The following SLC35F3 variants were observed in gnomAD, a reference collection of about 807,000 sequenced individuals.
SLC35F3 encodes putative thiamine transporter SLC35F3.
SLC35F3 carries 25 observed loss-of-function variants against 49.9 expected under a neutral mutation model. The observed-to-expected ratio is 0.50, with a 90% confidence interval of 0.37 to 0.70. The LOEUF is 0.70. Among genes scored for constraint, SLC35F3 ranks in the 30% least tolerant of loss-of-function variants. The probability of loss-of-function intolerance (pLI) is 0.00; values close to 1 mark genes in which losing one functional copy is unlikely to be tolerated. For synonymous variants in SLC35F3, 275 were observed against 265.4 expected (o/e 1.04, Z -0.35); for missense variants, 525 against 639.8 (o/e 0.82, Z 1.94).
rs762082795 is a variant in SLC35F3 at position 234,323,294 on chromosome 1, G to C, written c.*51G>C. On this transcript the variant is annotated 3_prime_UTR_variant, in exon 8 of 8. Coordinates refer to ENST00000366618, the MANE Select transcript of SLC35F3 (RefSeq NM_173508.4). This position sits in a 1 kb window ranked among gnomAD's most constrained non-coding sequence, Gnocchi z 4.5. ...AATGACTGGGAGGTCTATTCCTGCC[G>C]GGAGGAACCTCAGTTGGGTAAGGTG... is the stretch of plus-strand genomic sequence containing the variant. 1 of 1,525,656 alleles carries C rather than the reference G, an allele frequency of 6.6e-7. No homozygotes were observed. The highest frequency in any genetic ancestry group is 2.4e-5 in the East Asian group (1 of 42,412). The allele number at this position is 1,525,656 out of a possible 1,614,324, so 94.5% of individuals were successfully genotyped here.
chr1:233,919,116 T>G lies in SLC35F3; in HGVS notation c.283+13358T>G, dbSNP rs1489728609. On this transcript the variant is annotated intron_variant, in intron 2 of 7. Coordinates refer to ENST00000366618, the MANE Select transcript of SLC35F3 (RefSeq NM_173508.4). ...TTTCAAAATAAAAAATGTCATTGCT[T>G]CAGCCAATGGCCTTACGTAATTCAG... Among the ~76,000 whole-genome samples, 5 of 152,208 alleles carry G rather than the reference T, an allele frequency of 3.3e-5. No homozygotes were observed. In the East Asian group the frequency reaches 9.6e-4, roughly 29 times the overall value.
intron 2 of SLC35F3, among the ~76,000 whole-genome samples, chr1:234,224,525 C>G (rs1038224944): frequency 6.6e-6 from 1 of 152,178 alleles, no homozygotes; most frequent in African/African-American, 2.4e-5. Context: ...CATACACACT[C>G]AGTCTTTTCC....
intron 2 of SLC35F3, among the ~76,000 whole-genome samples, chr1:234,207,428 CT>C (rs1666989015): frequency 1.4e-5 from 1 of 69,934 alleles, no homozygotes; most frequent in African/African-American, 5.4e-5. Flanking sequence ...CTCCCTCCCT[CT>C]TTCCTGCTTC....
At chr1:233,924,742 T>C (rs1330019935) in intron 2 of SLC35F3, among the ~76,000 whole-genome samples, 1 of 152,238 alleles carries the variant, frequency 6.6e-6, no homozygotes, top group Non-Finnish European at 1.5e-5. Flanking sequence ...CAATTTTAGA[T>C]CTTTCCTGCT....
intron 2 of SLC35F3, among the ~76,000 whole-genome samples, chr1:233,983,139 C>T (rs1047496118): frequency 1.3e-5 from 2 of 152,160 alleles, no homozygotes; most frequent in Non-Finnish European, 2.9e-5. Context: ...AACCACAGAA[C>T]TTTGTATTCA....
At chr1:234,004,968 A>G (rs1405602799) in intron 2 of SLC35F3, among the ~76,000 whole-genome samples, 1 of 152,234 alleles carries the variant, frequency 6.6e-6, no homozygotes, top group Non-Finnish European at 1.5e-5. Flanking sequence ...GATAAAAGGC[A>G]TTTATTTAAC....
intron 2 of SLC35F3, among the ~76,000 whole-genome samples, chr1:234,031,348 T>G (rs1664059185): frequency 6.6e-6 from 1 of 152,180 alleles, no homozygotes; most frequent in Non-Finnish European, 1.5e-5. Flanking sequence ...AAGGACCTGG[T>G]CCCCTCTACA....
intron 2 of SLC35F3, among the ~76,000 whole-genome samples, chr1:234,011,280 G>C (rs1663716918): frequency 6.6e-6 from 1 of 152,098 alleles, no homozygotes; most frequent in Admixed American, 6.5e-5. Context: ...TACAAGGAAT[G>C]CCTCCAACCA....
chr1:233,909,938 C>G (rs141041803), intron 2 of SLC35F3, among the ~76,000 whole-genome samples: 57 of 152,338 alleles, frequency 3.7e-4, no homozygotes, highest in African/African-American at 1.2e-3. Flanking sequence ...TCCTTCCTCA[C>G]CTTTCTTCCT....
intron 2 of SLC35F3, among the ~76,000 whole-genome samples, chr1:233,927,653 C>T (rs1662181563): frequency 6.6e-6 from 1 of 152,040 alleles, no homozygotes; most frequent in African/African-American, 2.4e-5. Flanking sequence ...TTTTTGAACA[C>T]TAAAATACAT....
chr1:234,038,609 G>A (rs1207217705), intron 2 of SLC35F3, among the ~76,000 whole-genome samples: 1 of 152,204 alleles, frequency 6.6e-6, no homozygotes, highest in East Asian at 1.9e-4. Context: ...CTTCTCAAAA[G>A]AAGACATTTA....
chr1:234,212,062 C>A (rs925047163), intron 2 of SLC35F3, among the ~76,000 whole-genome samples: 2 of 152,212 alleles, frequency 1.3e-5, no homozygotes, highest in Admixed American at 6.5e-5. Context: ...CAAGCACTCT[C>A]TTTGCCTGCT....
intron 2 of SLC35F3, among the ~76,000 whole-genome samples, chr1:233,929,715 T>C (rs1662212366): frequency 2.0e-5 from 3 of 152,194 alleles, no homozygotes; most frequent in African/African-American, 4.8e-5. Flanking sequence ...AGAATTTCTC[T>C]TGGCCTCAGG....
At chr1:234,093,903 A>G (rs1379938533) in intron 2 of SLC35F3, among the ~76,000 whole-genome samples, 1 of 152,258 alleles carries the variant, frequency 6.6e-6, no homozygotes, top group East Asian at 1.9e-4. Context: ...ACTCTTGGAG[A>G]GGGAGTCTGC....
intron 2 of SLC35F3, among the ~76,000 whole-genome samples, chr1:234,119,710 A>T (rs573766141): frequency 2.2e-4 from 33 of 152,332 alleles, no homozygotes; most frequent in African/African-American, 7.2e-4. Flanking sequence ...ACTCTGTTTT[A>T]TCTGTGCCAG....
chr1:234,312,150 C>A (rs1558107318), intron 4 of SLC35F3, among the ~76,000 whole-genome samples: 1 of 152,114 alleles, frequency 6.6e-6, no homozygotes, highest in East Asian at 1.9e-4. Context: ...CAGGTAGAAC[C>A]CTGGGCGCAC....
Position 234,324,433 on chromosome 1 carries a change from T to C in SLC35F3, c.*1190T>C, listed in dbSNP as rs1657705946. 6.6e-6 allele frequency: 1 copy of C among 152,216 alleles called. No individual in the cohort carries two copies. Among genetic ancestry groups the C allele is most frequent in the South Asian group, 2.1e-4 (1 of 4,834 alleles). The allele number at this position is 152,216 out of a possible 1,614,324, so 9.4% of individuals were successfully genotyped here. A position where few individuals can be genotyped will look rare whatever the true frequency, so the allele number is the denominator to read the frequency against. ...CTGGGGGAAAGGGGCATTCATGACC[T>C]GAACTTTTTAGCAAATTATTATTCT... On this transcript the variant is annotated 3_prime_UTR_variant, in exon 8 of 8. Coordinates refer to ENST00000366618, the MANE Select transcript of SLC35F3 (RefSeq NM_173508.4).
intron 2 of SLC35F3, among the ~76,000 whole-genome samples, chr1:234,095,659 G>A (rs565636430): frequency 3.7e-4 from 57 of 152,222 alleles, no homozygotes; most frequent in African/African-American, 1.3e-3. Context: ...TATCATGAAG[G>A]GCAACAGATT....
intron 2 of SLC35F3, among the ~76,000 whole-genome samples, chr1:234,093,255 C>T (rs1665069495): frequency 6.6e-6 from 1 of 152,198 alleles, no homozygotes; most frequent in South Asian, 2.1e-4. Context: ...TATTTGAGAA[C>T]AAAAGGCTTT....
Sources: gnomAD v4.1 joint callset for allele counts (sites outside exome capture counted in the v4.1 genomes callset) on GRCh38, gnomAD v4.1.1 for gene constraint, Gnocchi (gnomAD v3.1) non-coding constraint, MANE v1.5 for transcripts, NCBI Gene and HGNC (gene_info 2026-07-23, HGNC 2026-07-21) for gene names.